Variants in APBA2 observed in about 807,000 individuals in gnomAD.
The protein encoded by APBA2 is amyloid-beta A4 precursor protein-binding family A member 2.
In APBA2, 30 loss-of-function variants were observed where a neutral mutation model predicts 75.0. The observed-to-expected ratio is 0.40, with a 90% CI of 0.30 to 0.54. The LOEUF is 0.54. APBA2 is among the 20% of genes least tolerant of loss of function. The pLI, the probability that APBA2 is intolerant of heterozygous loss-of-function variation, is 0.49. For missense variants in APBA2, 801 were observed against 1,016.1 expected (o/e 0.79, Z 2.88); for synonymous variants, 444 against 409.6 (o/e 1.08, Z -1.01).
chr15:29,097,108 T>G (rs983195174), intron 8 of APBA2, among the ~76,000 whole-genome samples: 44 of 152,364 alleles, frequency 2.9e-4, no homozygotes, highest in African/African-American at 1.0e-3. Flanking sequence ...GCCCCAGGGC[T>G]CAGTCCCCCA....
chr15:29,060,873 T>G (rs773116731), intron 4 of APBA2, among the ~76,000 whole-genome samples: 5 of 152,200 alleles, frequency 3.3e-5, no homozygotes. Context: ...TTAGTATTAC[T>G]ACACCTACCC....
chr15:28,969,537 T>G (rs1302360365), intron 2 of APBA2, among the ~76,000 whole-genome samples: 4 of 152,130 alleles, frequency 2.6e-5, no homozygotes, highest in African/African-American at 7.2e-5. Flanking sequence ...GGGCTCTCAG[T>G]GTAAAGATAG....
At chr15:28,911,603 C>G (rs955011391) in intron 1 of APBA2, among the ~76,000 whole-genome samples, 2 of 152,184 alleles carry the variant, frequency 1.3e-5, no homozygotes, top group African/African-American at 4.8e-5. Flanking sequence ...CTCAATAGAG[C>G]TTTTAAATTA....
chr15:29,113,502 G>T (rs535445725), intron 13 of APBA2, among the ~76,000 whole-genome samples: 1 of 152,246 alleles, frequency 6.6e-6, no homozygotes, highest in South Asian at 2.1e-4. Context: ...CCGCCCATCA[G>T]CTAAGTGCCT....
intron 3 of APBA2, among the ~76,000 whole-genome samples, chr15:29,018,063 C>T (rs1311727027): frequency 6.6e-6 from 1 of 152,152 alleles, no homozygotes; most frequent in African/African-American, 2.4e-5. Context: ...CGTGGCTGCA[C>T]ATTAGCATCA....
chr15:28,907,795 C>T (rs2033206521), intron 1 of APBA2, among the ~76,000 whole-genome samples: 1 of 152,162 alleles, frequency 6.6e-6, no homozygotes, highest in Non-Finnish European at 1.5e-5. Context: ...AAACCAGGAG[C>T]GCTTGGGCGA....
At chr15:28,948,698 T>C (rs1419948745) in intron 2 of APBA2, among the ~76,000 whole-genome samples, 1 of 152,228 alleles carries the variant, frequency 6.6e-6, no homozygotes, top group African/African-American at 2.4e-5. Context: ...TATAGGCAGA[T>C]ACTGTAAACG....
chr15:29,115,367 T>C (rs538649430), intron 14 of APBA2, among the ~76,000 whole-genome samples: 2 of 152,154 alleles, frequency 1.3e-5, no homozygotes, highest in East Asian at 3.9e-4. Context: ...CTGGGAGGCC[T>C]GTTTTCCCTG....
intron 2 of APBA2, among the ~76,000 whole-genome samples, chr15:28,953,413 C>T (rs74007012): frequency 0.018 from 2,670 of 152,152 alleles, 81 homozygotes; most frequent in African/African-American, 0.061. Flanking sequence ...CCACTCCCCC[C>T]GCCCCACCCC....
In APBA2 at chr15:28,985,711, G is replaced by A. The variant is rs369317145; in HGVS notation, c.-94-10042G>A. 1.4e-3 allele frequency among the ~76,000 whole-genome samples: 219 copies of A among 152,328 alleles called. 1 individual carries two copies. Among genetic ancestry groups the A allele is most frequent in the African/African-American group, 5.1e-3 (213 of 41,578 alleles). The stretch of plus-strand genomic sequence containing the variant: ...GCGGATCTTCGAGACTGGTACAGAT[G>A]GGGTCTCCTGGATGTAACGAGTTCT... On this transcript the variant is annotated intron_variant, in intron 2 of 14. Coordinates refer to ENST00000683413, the MANE Select transcript of APBA2 (RefSeq NM_001353788.2).
At chr15:28,980,430 C>T (rs919026856) in intron 2 of APBA2, among the ~76,000 whole-genome samples, 4 of 152,164 alleles carry the variant, frequency 2.6e-5, no homozygotes, top group East Asian at 1.9e-4. Context: ...CATTTCTCTA[C>T]ACCAATAATG....
intron 13 of APBA2, among the ~76,000 whole-genome samples, chr15:29,109,708 CA>C (rs1012921589): frequency 1.3e-5 from 2 of 152,210 alleles, no homozygotes; most frequent in African/African-American, 4.8e-5. Flanking sequence ...CGAAGAGGGA[CA>C]GGGGCATCGC....
rs2042786103 is a variant in APBA2, at chr15:29,074,971, T to C, written c.1002T>C (p.Asn334=). 2 of 1,614,192 alleles carry C rather than the reference T, an allele frequency of 1.2e-6. No homozygotes were observed. Among genetic ancestry groups the C allele is most frequent in the South Asian group, 1.1e-5 (1 of 91,060 alleles). The part of the protein sequence containing the change: ...QPRKQQRSDL[N]GPVDNNNIPE... ...GGAAGCAGCAGCGCTCTGATCTCAA[T>C]GGACCTGTTGACAATAACAACATTC... Residue 334 remains asparagine, a synonymous_variant, in exon 5 of 15, where the codon AAT becomes AAC. Coordinates refer to ENST00000683413, the MANE Select transcript of APBA2 (RefSeq NM_001353788.2).
chr15:28,895,796 G>A (rs1340961716), intron 1 of APBA2, among the ~76,000 whole-genome samples: 1 of 152,086 alleles, frequency 6.6e-6, no homozygotes, highest in Non-Finnish European at 1.5e-5. Flanking sequence ...GGAAAGGCCT[G>A]CTGCTTGTTA....
chr15:28,938,610 C>T (rs1425220844), intron 2 of APBA2, among the ~76,000 whole-genome samples: 3 of 152,138 alleles, frequency 2.0e-5, no homozygotes, highest in African/African-American at 7.2e-5. Flanking sequence ...CCTGTTCAAG[C>T]GATTTTCATG....
At chr15:28,896,904 C>T (rs2032525512) in intron 1 of APBA2, among the ~76,000 whole-genome samples, 1 of 152,158 alleles carries the variant, frequency 6.6e-6, no homozygotes, top group Non-Finnish European at 1.5e-5. Context: ...CAGTCCCTGA[C>T]AGTGGTCCCC....
intron 3 of APBA2, among the ~76,000 whole-genome samples, chr15:29,018,149 C>T (rs767396004): frequency 1.3e-5 from 2 of 152,070 alleles, no homozygotes; most frequent in Non-Finnish European, 2.9e-5. Context: ...AGATTGGGGT[C>T]TGCATATTGA....
At chr15:29,108,564 G>A in intron 13 of APBA2, 175 bp downstream of exon 13, 1 of 1,001,484 alleles carries the variant, frequency 1.0e-6, no homozygotes, top group Non-Finnish European at 1.5e-6. Flanking sequence ...CTCTCTGGGA[G>A]GTCCTGGCTA....
At chr15:29,117,026 G>A in intron 14 of APBA2, 36 bp from the exon 15 acceptor site, 8 of 1,606,504 alleles carry the variant, frequency 5.0e-6, no homozygotes, top group Non-Finnish European at 6.8e-6. Flanking sequence ...GGGGAGGTGG[G>A]AGGGCAGCGG....
Sources: gnomAD v4.1 joint callset for allele counts (sites outside exome capture counted in the v4.1 genomes callset) on GRCh38, gnomAD v4.1.1 for gene constraint, MANE v1.5 for transcripts, NCBI Gene and HGNC (gene_info 2026-07-23, HGNC 2026-07-21) for gene names.